Variants in VSTM4 observed in about 807,000 individuals in gnomAD.
The protein encoded by VSTM4 is V-set and transmembrane domain-containing protein 4.
A neutral mutation model predicts 36.4 loss-of-function variants in VSTM4; 20 were observed. The observed-to-expected ratio is 0.55, with a 90% CI of 0.39 to 0.80. VSTM4 has a LOEUF of 0.80. Among genes scored for constraint, VSTM4 ranks in the 30% least tolerant of loss-of-function variants. The pLI is 0.00. For synonymous variants in VSTM4, 182 were observed against 173.9 expected (o/e 1.05, Z -0.37); for missense variants, 392 against 404.5 (o/e 0.97, Z 0.26).
At chr10:49,041,185 G>T (rs559822695) in intron 7 of VSTM4, among the ~76,000 whole-genome samples, 1 of 152,234 alleles carries the variant, frequency 6.6e-6, no homozygotes, top group Admixed American at 6.5e-5. Flanking sequence ...ACCAAAAACT[G>T]CAGATGCTAG....
chr10:49,048,560 C>G lies in VSTM4; in HGVS notation c.693G>C (p.Val231=). 6.3e-7 allele frequency: 1 copy of G among 1,595,096 alleles called. No individual in the cohort carries two copies. Among genetic ancestry groups the G allele is most frequent in the Non-Finnish European group, 8.5e-7 (1 of 1,173,620 alleles). Residue 231 remains valine, a synonymous_variant, in exon 6 of 8, where the codon GTG becomes GTC. Transcript: ENST00000332853. The part of the protein sequence containing the change: ...QNSSGETVTS[V]TSLAPLQPKK... ...TGGGCTGTAGTGGGGCCAAGCTGGTCACGCTAGTGACAGTCTCCCCTGAGC... is the reference window on the plus strand; with the variant it reads ...TGGGCTGTAGTGGGGCCAAGCTGGTGACGCTAGTGACAGTCTCCCCTGAGC...
intron 1 of VSTM4, among the ~76,000 whole-genome samples, chr10:49,115,176 G>A (rs993697097): frequency 2.6e-5 from 4 of 151,942 alleles, no homozygotes; most frequent in Admixed American, 2.6e-4. Flanking sequence ...GCTGCTGCGA[G>A]AGTACCCAGC....
At chr10:49,024,135 A>G (rs2244085) in intron 7 of VSTM4, among the ~76,000 whole-genome samples, 134,035 of 152,190 alleles carry the variant, frequency 0.88, 59,694 homozygotes, top group East Asian at 0.98. Context: ...TTTATTTTCC[A>G]TTTCACCTAA....
chr10:49,062,258 G>C (rs1843890031), intron 5 of VSTM4, among the ~76,000 whole-genome samples: 1 of 152,152 alleles, frequency 6.6e-6, no homozygotes, highest in Admixed American at 6.5e-5. Context: ...TCTACCATAT[G>C]TACTCCTATT....
At chr10:49,108,097 T>TG in intron 1 of VSTM4, 102 bp from the exon 2 acceptor site, 1 of 1,402,144 alleles carries the variant, frequency 7.1e-7, no homozygotes, top group Non-Finnish European at 9.4e-7. Context: ...GCACTGGGCA[T>TG]CCTAGTGCTC....
intron 2 of VSTM4, among the ~76,000 whole-genome samples, chr10:49,086,826 C>A (rs1310778092): frequency 1.3e-5 from 2 of 152,196 alleles, no homozygotes; most frequent in Non-Finnish European, 2.9e-5. Context: ...TAAATGCAGC[C>A]AGTCTTACCA....
chr10:49,022,289 TGATG>T (rs748855499), intron 7 of VSTM4, among the ~76,000 whole-genome samples: 1 of 152,150 alleles, frequency 6.6e-6, no homozygotes, highest in Non-Finnish European at 1.5e-5. Context: ...TGTTGTTGTT[TGATG>T]GACTTTTTAA....
intron 3 of VSTM4, among the ~76,000 whole-genome samples, chr10:49,082,430 G>A (rs1590115422): frequency 6.6e-6 from 1 of 152,212 alleles, no homozygotes; most frequent in Non-Finnish European, 1.5e-5. Context: ...GTGGGAGGCC[G>A]AGGCAGACCA....
At chr10:49,067,693 G>T (rs1213458049) in intron 4 of VSTM4, among the ~76,000 whole-genome samples, 1 of 152,214 alleles carries the variant, frequency 6.6e-6, no homozygotes, top group East Asian at 1.9e-4. Flanking sequence ...GCCTTTAAAA[G>T]TGTGAGATAA....
chr10:49,030,405 C>G (rs1843327681), intron 7 of VSTM4, among the ~76,000 whole-genome samples: 1 of 152,170 alleles, frequency 6.6e-6, no homozygotes. Flanking sequence ...TCGGAGGCAC[C>G]AAACGCCCCA....
At chr10:49,071,836 G>C (rs940469433) in intron 4 of VSTM4, among the ~76,000 whole-genome samples, 1 of 152,174 alleles carries the variant, frequency 6.6e-6, no homozygotes, top group Admixed American at 6.5e-5. Context: ...GGAGGGGTTG[G>C]GTCTCCTGAA....
chr10:49,071,850 G>A (rs1056919334), intron 4 of VSTM4, among the ~76,000 whole-genome samples: 2 of 152,132 alleles, frequency 1.3e-5, no homozygotes, highest in African/African-American at 4.8e-5. Flanking sequence ...TCCTGAATGT[G>A]GTCAGGATGA....
intron 7 of VSTM4, among the ~76,000 whole-genome samples, chr10:49,031,872 T>C (rs917933636): frequency 2.6e-5 from 4 of 152,090 alleles, no homozygotes; most frequent in Non-Finnish European, 4.4e-5. Context: ...TCTCCATGTG[T>C]TTCCTGGACA....
intron 4 of VSTM4, among the ~76,000 whole-genome samples, chr10:49,068,452 G>T (rs1254404938): frequency 6.6e-6 from 1 of 152,130 alleles, no homozygotes; most frequent in South Asian, 2.1e-4. Context: ...CAGTGCCAGG[G>T]TACAGGAGAT....
chr10:49,020,443 C>A (rs1211796097), intron 7 of VSTM4, among the ~76,000 whole-genome samples: 1 of 151,254 alleles, frequency 6.6e-6, no homozygotes, highest in Non-Finnish European at 1.5e-5. Context: ...GCATAAATCA[C>A]CAGTAAAACA....
At chr10:49,063,631 G>T (rs1449612164) in intron 5 of VSTM4, among the ~76,000 whole-genome samples, 1 of 152,180 alleles carries the variant, frequency 6.6e-6, no homozygotes, top group Non-Finnish European at 1.5e-5. Flanking sequence ...TGGTCTGTTT[G>T]GTTTATATGG....
At chr10:49,036,012 C>T (rs1415441455) in intron 7 of VSTM4, among the ~76,000 whole-genome samples, 2 of 152,174 alleles carry the variant, frequency 1.3e-5, no homozygotes, top group East Asian at 3.9e-4. Context: ...GGCCTTGGCA[C>T]TAACTGTGTG....
chr10:49,025,395 G>T (rs1323563379), intron 7 of VSTM4, among the ~76,000 whole-genome samples: 2 of 152,014 alleles, frequency 1.3e-5, no homozygotes, highest in African/African-American at 2.4e-5. Context: ...CCGAGACAAG[G>T]CAGGGGACAA....
intron 2 of VSTM4, among the ~76,000 whole-genome samples, chr10:49,094,514 G>T (rs2132011347): frequency 6.6e-6 from 1 of 152,300 alleles, no homozygotes. Context: ...CCCTGCTCCA[G>T]GTCCCTCAGG....
Sources: allele counts gnomAD v4.1 joint callset (sites outside exome capture counted in the v4.1 genomes callset), GRCh38; gene constraint gnomAD v4.1.1; transcripts MANE v1.5; gene names NCBI Gene and HGNC (gene_info 2026-07-23, HGNC 2026-07-21).